The following MAGI2 variants were observed in gnomAD, a reference collection of about 807,000 sequenced individuals.
The protein encoded by MAGI2 is membrane associated guanylate kinase, WW and PDZ domain containing 2, also known as membrane-associated guanylate kinase, WW and PDZ domain-containing protein 2.
MAGI2 carries 35 observed loss-of-function variants against 133.3 expected under a neutral mutation model. The ratio of observed to expected loss-of-function variants is 0.26; its 90% confidence interval spans 0.20 to 0.35. The LOEUF (loss-of-function observed/expected upper bound fraction) is 0.35. Among genes scored for constraint, MAGI2 ranks in the 10% least tolerant of loss-of-function variants. The pLI, the probability that MAGI2 is intolerant of heterozygous loss-of-function variation, is 1.00. For missense variants in MAGI2, 1,636 were observed against 1,863.4 expected (o/e 0.88, Z 2.25); for synonymous variants, 729 against 710.6 (o/e 1.03, Z -0.41).
chr7:78,241,680 C>T lies in MAGI2; in HGVS notation c.2047+14263G>A, dbSNP rs188343441. 2.3e-3 allele frequency among the ~76,000 whole-genome samples: 343 copies of T among 152,268 alleles called. 6 individuals carry two copies. The highest frequency in any genetic ancestry group is 0.018 in the Admixed American group (277 of 15,294). Reference sequence around the variant, plus strand: ...AGGTGCAGTGGCTCACGCCTGTAATCCCTACACTTTGGGAGGGTGAGGTGG... The same window carrying T: ...AGGTGCAGTGGCTCACGCCTGTAATTCCTACACTTTGGGAGGGTGAGGTGG... On this transcript the variant is annotated intron_variant, in intron 10 of 21. Transcript: ENST00000354212.
chr7:78,091,992 T>C (rs899810776), intron 20 of MAGI2, among the ~76,000 whole-genome samples: 1 of 152,234 alleles, frequency 6.6e-6, no homozygotes, highest in African/African-American at 2.4e-5. Flanking sequence ...TAGTACTTCA[T>C]GGGTCTGAAT....
intron 3 of MAGI2, chr7:78,583,609 T>C (rs956813685): frequency 6.6e-6 from 1 of 152,112 alleles, no homozygotes; most frequent in Admixed American, 6.5e-5. Flanking sequence ...TGTAAACACA[T>C]CTCTGTAGAA....
chr7:79,145,259 T>C (rs1822509237), intron 1 of MAGI2, among the ~76,000 whole-genome samples: 1 of 152,174 alleles, frequency 6.6e-6, no homozygotes, highest in South Asian at 2.1e-4. Flanking sequence ...TGTCTTCCAT[T>C]TCACCTTTCT....
At chr7:78,640,676 C>T (rs1268222448) in intron 2 of MAGI2, among the ~76,000 whole-genome samples, 11 of 152,208 alleles carry the variant, frequency 7.2e-5, no homozygotes, top group African/African-American at 2.2e-4. Context: ...CTACCCCTCA[C>T]GGGGAGCAAC....
intron 13 of MAGI2, 93 bp downstream of exon 13, chr7:78,185,536 A>G (rs973274842): frequency 2.0e-6 from 2 of 994,080 alleles, no homozygotes; most frequent in African/African-American, 3.2e-5. Flanking sequence ...CAGCGATTAT[A>G]TACTAGGAAA....
chr7:79,428,307 T>C (rs1180223616), intron 1 of MAGI2, among the ~76,000 whole-genome samples: 1 of 152,176 alleles, frequency 6.6e-6, no homozygotes, highest in Non-Finnish European at 1.5e-5. Context: ...TAATAAATAT[T>C]GTCTTCAGAG....
chr7:78,623,561 A>G (rs1807979080), intron 3 of MAGI2, among the ~76,000 whole-genome samples: 1 of 152,116 alleles, frequency 6.6e-6, no homozygotes, highest in African/African-American at 2.4e-5. Flanking sequence ...AAGAAGGTAC[A>G]GCACTAATGC....
chr7:78,703,316 C>T (rs1818268018), intron 2 of MAGI2, among the ~76,000 whole-genome samples: 1 of 151,932 alleles, frequency 6.6e-6, no homozygotes, highest in South Asian at 2.1e-4. Flanking sequence ...AACCCCCTGG[C>T]TGGATTACAA....
At chr7:79,012,473 T>G (rs1343397981) in intron 1 of MAGI2, among the ~76,000 whole-genome samples, 1 of 152,160 alleles carries the variant, frequency 6.6e-6, no homozygotes, top group East Asian at 1.9e-4. Flanking sequence ...TTTTATATTT[T>G]CTATTATGTT....
chr7:78,102,131 C>T (rs998458751), intron 20 of MAGI2, among the ~76,000 whole-genome samples: 1 of 151,986 alleles, frequency 6.6e-6, no homozygotes, highest in Non-Finnish European at 1.5e-5. Flanking sequence ...CATGATATCA[C>T]TTATATGTGG....
chr7:78,086,219 C>CTT (rs568492445), intron 20 of MAGI2, among the ~76,000 whole-genome samples: 45 of 134,638 alleles, frequency 3.3e-4, no homozygotes, highest in African/African-American at 1.1e-3. Context: ...TTCTAGGGCT[C>CTT]TTTTTTTTTT....
intron 1 of MAGI2, among the ~76,000 whole-genome samples, chr7:79,425,284 C>T (rs4291207): frequency 0.24 from 36,808 of 150,686 alleles, 6,553 homozygotes; most frequent in African/African-American, 0.5. Flanking sequence ...GATGTTCCCC[C>T]TCTTTCTCTC....
chr7:78,944,653 C>A (rs1404795035), intron 2 of MAGI2, among the ~76,000 whole-genome samples: 1 of 151,982 alleles, frequency 6.6e-6, no homozygotes, highest in African/African-American at 2.4e-5. Context: ...ATCTTTGTAC[C>A]ACCCGCCCAC....
intron 9 of MAGI2, among the ~76,000 whole-genome samples, chr7:78,315,017 A>G (rs998988819): frequency 1.3e-5 from 2 of 152,166 alleles, no homozygotes; most frequent in Non-Finnish European, 2.9e-5. Context: ...GGCTAGACCA[A>G]TATTTGTAAT....
At chr7:78,222,670 C>T (rs1232703231) in intron 10 of MAGI2, among the ~76,000 whole-genome samples, 2 of 152,164 alleles carry the variant, frequency 1.3e-5, no homozygotes, top group African/African-American at 2.4e-5. Flanking sequence ...ATGAAGGCCC[C>T]ATCTCTGATT....
intron 2 of MAGI2, among the ~76,000 whole-genome samples, chr7:78,755,477 G>A (rs537706319): frequency 8.5e-5 from 13 of 152,178 alleles, no homozygotes; most frequent in East Asian, 7.7e-4. Flanking sequence ...GCTTAAATAC[G>A]TGTTTCATTT....
intron 10 of MAGI2, among the ~76,000 whole-genome samples, chr7:78,229,614 G>A (rs1363975517): frequency 6.6e-6 from 1 of 152,238 alleles, no homozygotes; most frequent in Non-Finnish European, 1.5e-5. Context: ...CTGAGCCTGT[G>A]TGACAGCTCT....
intron 16 of MAGI2, among the ~76,000 whole-genome samples, chr7:78,147,901 A>G (rs1415601913): frequency 6.6e-6 from 1 of 152,046 alleles, no homozygotes; most frequent in Non-Finnish European, 1.5e-5. Flanking sequence ...GCTAAACATT[A>G]AAAAAACCAT....
intron 1 of MAGI2, among the ~76,000 whole-genome samples, chr7:79,092,547 C>G (rs998380605): frequency 2.6e-5 from 4 of 152,148 alleles, no homozygotes; most frequent in African/African-American, 9.7e-5. Flanking sequence ...ATTTAGGCAT[C>G]TTAAATGGGT....
Sources: allele counts gnomAD v4.1 joint callset (sites outside exome capture counted in the v4.1 genomes callset), GRCh38; gene constraint gnomAD v4.1.1; transcripts MANE v1.5; gene names NCBI Gene and HGNC (gene_info 2026-07-23, HGNC 2026-07-21).